TENT4A: variants seen among roughly 807,000 people sequenced by gnomAD.
The protein encoded by TENT4A is DNA polymerase kappa.
In TENT4A, 7 loss-of-function variants were observed where a neutral mutation model predicts 72.8. The observed-to-expected ratio is 0.10, with a 90% CI of 0.05 to 0.18. The LOEUF (loss-of-function observed/expected upper bound fraction) is 0.18, where lower values mean the gene tolerates loss of function less well. Ranked by LOEUF, TENT4A falls within the 10% of genes least tolerant of loss-of-function variation. The pLI, the probability that TENT4A is intolerant of heterozygous loss-of-function variation, is 1.00. For missense variants in TENT4A, 831 were observed against 1,017.7 expected, an observed-to-expected ratio of 0.82 and a Z score of 2.50; for synonymous variants, 456 against 434.3, an observed-to-expected ratio of 1.05 and a Z score of -0.62.
intron 1 of TENT4A, among the ~76,000 whole-genome samples, chr5:6,723,803 G>A: frequency 6.6e-6 from 1 of 152,220 alleles, no homozygotes; most frequent in East Asian, 1.9e-4. Flanking sequence ...ATTTCATAGG[G>A]AAGCCAGTCC....
At chr5:6,732,273 C>A (rs181387901) in intron 1 of TENT4A, among the ~76,000 whole-genome samples, 1 of 152,338 alleles carries the variant, frequency 6.6e-6, no homozygotes, top group Non-Finnish European at 1.5e-5. Flanking sequence ...GGCTTTAATT[C>A]ACATTTACAA....
chr5:6,742,679 T>C (rs1561040101), intron 5 of TENT4A, 82 bp downstream of exon 5: 1 of 789,466 alleles, frequency 1.3e-6, no homozygotes, highest in Non-Finnish European at 2.3e-6. Flanking sequence ...TGTTTACAGC[T>C]GTCAGCTGCA....
chr5:6,751,064 C>T lies in TENT4A; in HGVS notation c.1886C>T (p.Thr629Met), dbSNP rs746033118. Residue 629 changes from threonine (T) to methionine (M), a missense_variant, in exon 11 of 13, where the codon ACG (threonine) becomes ATG (methionine). This residue lies in a region of TENT4A where 332 missense variants were observed against 324.3 expected (regional missense o/e 1.02). Transcript: ENST00000230859. Reference sequence around the variant, plus strand: ...GATTCAGACACACCGCCCTGCACAACGCCCAGTGTTTACCAGTTCAGTCTG... The same window carrying T: ...GATTCAGACACACCGCCCTGCACAATGCCCAGTGTTTACCAGTTCAGTCTG... Reference protein sequence around the residue: ...DVDSDTPPCTTPSVYQFSLQA... With the variant: ...DVDSDTPPCTMPSVYQFSLQA... 18 of 1,614,080 alleles carry T rather than the reference C, an allele frequency of 1.1e-5. No homozygotes were observed. Among genetic ancestry groups the T allele is most frequent in the East Asian group, 8.9e-5 (4 of 44,898 alleles).
Position 6,755,026 on chromosome 5 carries a change from A to G in TENT4A, c.*81A>G. ...GGCCACCGGCAGGGGAACCGAGACC[A>G]GCACCCCGCACGTCAGCCGGGCTCG... On this transcript the variant is annotated 3_prime_UTR_variant, in exon 13 of 13. Coordinates refer to ENST00000230859, the MANE Select transcript of TENT4A (RefSeq NM_006999.6). The G allele has an allele frequency of 3.1e-6, 4 of 1,282,540 alleles. No individual in the cohort carries two copies. Among genetic ancestry groups the G allele is most frequent in the Non-Finnish European group, 4.2e-6 (4 of 956,054 alleles). 79.4% of individuals were successfully genotyped at this position (1,282,540 alleles called of 1,614,324 possible).
At chr5:6,734,547 A>T (rs1741374185) in intron 1 of TENT4A, among the ~76,000 whole-genome samples, 1 of 152,268 alleles carries the variant, frequency 6.6e-6, no homozygotes, top group South Asian at 2.1e-4. Context: ...GTCATCCAAG[A>T]GGCATGGATG....
At chr5:6,742,645 C>T in intron 5 of TENT4A, 48 bp downstream of exon 5, 1 of 1,109,538 alleles carries the variant, frequency 9.0e-7, no homozygotes, top group Non-Finnish European at 1.4e-6. Flanking sequence ...GACTGGAGTG[C>T]TTGTGCTTGG....
intron 11 of TENT4A, 68 bp downstream of exon 11, chr5:6,751,265 C>A (rs948919581): frequency 6.7e-7 from 1 of 1,482,528 alleles, no homozygotes; most frequent in Admixed American, 1.7e-5. Flanking sequence ...GTGATATGCA[C>A]TAGAGGAGAT....
rs777192908 is a variant in TENT4A at position 6,742,480 on chromosome 5, A to G, written c.1009-10A>G. 5 of 1,572,944 alleles carry G rather than the reference A, an allele frequency of 3.2e-6. No individual in the cohort carries two copies. Among genetic ancestry groups the G allele is most frequent in the African/African-American group, 2.7e-5 (2 of 74,116 alleles). Reference sequence around the variant, plus strand: ...ATGTTAAAGCAGTTTTTAAAATGAAATCTTTACAGGTACCAATAATAAAGC... The same window carrying G: ...ATGTTAAAGCAGTTTTTAAAATGAAGTCTTTACAGGTACCAATAATAAAGC... On this transcript the variant is annotated splice_polypyrimidine_tract_variant and intron_variant, in intron 4 of 12. Transcript: ENST00000230859.
chr5:6,754,733 G>T lies in TENT4A; in HGVS notation c.2185-18G>T. On this transcript the variant is annotated intron_variant, in intron 12 of 12. Transcript: ENST00000230859. The stretch of plus-strand genomic sequence containing the variant: ...CCTGCTGTCTGGCTCCAACACTGCT[G>T]TCTCTCTCTTTCTCCAGCAGCACAA... 1 of 1,556,474 alleles carries T rather than the reference G, an allele frequency of 6.4e-7. No homozygotes were observed. The highest frequency in any genetic ancestry group is 8.8e-7 in the Non-Finnish European group (1 of 1,141,958).
At chr5:6,744,204 A>G (rs1375514914) in intron 6 of TENT4A, among the ~76,000 whole-genome samples, 1 of 152,220 alleles carries the variant, frequency 6.6e-6, no homozygotes, top group Non-Finnish European at 1.5e-5. Context: ...CTCAGAATAA[A>G]GTTGAGTACC....
intron 1 of TENT4A, among the ~76,000 whole-genome samples, chr5:6,723,642 C>T (rs904513230): frequency 6.6e-6 from 1 of 152,172 alleles, no homozygotes; most frequent in Non-Finnish European, 1.5e-5. Context: ...GGGATGGAAC[C>T]TAGCAACTCA....
chr5:6,751,033 T>C lies in TENT4A; in HGVS notation c.1861-6T>C. ...TGTCCTTTTTGTTTTTTGTACCGGG[T>C]TCAAGGATTCAGACACACCGCCCTG... On this transcript the variant is annotated splice_region_variant and splice_polypyrimidine_tract_variant and intron_variant, in intron 10 of 12. Coordinates refer to ENST00000230859, the MANE Select transcript of TENT4A (RefSeq NM_006999.6). 6.2e-7 allele frequency: 1 copy of C among 1,613,472 alleles called. No individual in the cohort carries two copies. The highest frequency in any genetic ancestry group is 2.2e-5 in the East Asian group (1 of 44,852).
At chr5:6,747,939 A>G (rs966599610) in intron 7 of TENT4A, among the ~76,000 whole-genome samples, 5 of 152,238 alleles carry the variant, frequency 3.3e-5, no homozygotes, top group African/African-American at 9.6e-5. Context: ...GAGAATTCAC[A>G]TTCCATTCTA....
At chr5:6,737,471 T>G (rs1741565907) in intron 1 of TENT4A, 39 bp from the exon 2 acceptor site, 1 of 1,556,636 alleles carries the variant, frequency 6.4e-7, no homozygotes, top group African/African-American at 1.4e-5. Flanking sequence ...TGGTGACATT[T>G]CATTGTAACT....
chr5:6,748,205 G>A lies in TENT4A; in HGVS notation c.1460-259G>A, dbSNP rs141215217. Among the ~76,000 whole-genome samples the A allele has an allele frequency of 9.8e-5, 15 of 152,368 alleles. No homozygotes were observed. In the South Asian group the frequency reaches 2.5e-3, roughly 25 times the overall value. Reference sequence around the variant, plus strand: ...CAGCCGCCTCCGTGAGGTGGGCCATGAGCACAGGGGCACTGATGATGCAGA... The same window carrying A: ...CAGCCGCCTCCGTGAGGTGGGCCATAAGCACAGGGGCACTGATGATGCAGA... On this transcript the variant is annotated intron_variant, in intron 7 of 12. Coordinates refer to ENST00000230859, the MANE Select transcript of TENT4A (RefSeq NM_006999.6).
chr5:6,718,006 G>C (rs1483794204), intron 1 of TENT4A, among the ~76,000 whole-genome samples: 2 of 152,246 alleles, frequency 1.3e-5, no homozygotes, highest in East Asian at 1.9e-4. Context: ...CCCGGGCCCT[G>C]AACAGCTTCT....
chr5:6,739,652 C>CCTT, intron 3 of TENT4A, 80 bp from the exon 4 acceptor site: 1 of 1,553,896 alleles, frequency 6.4e-7, no homozygotes. Flanking sequence ...GGCACATGTG[C>CCTT]CTTGGTGCTT....
intron 12 of TENT4A, among the ~76,000 whole-genome samples, chr5:6,753,777 T>C (rs757157784): frequency 5.9e-5 from 9 of 152,270 alleles, no homozygotes; most frequent in Non-Finnish European, 1.3e-4. Flanking sequence ...TCTTGAGGCT[T>C]TGTTGGCCCT....
At chr5:6,745,961 G>A (rs894677212) in intron 6 of TENT4A, 2 of 1,246,414 alleles carry the variant, frequency 1.6e-6, no homozygotes, top group South Asian at 3.5e-5. Context: ...GTGTTTGCAG[G>A]AAGTTTGCTG....
Sources: gnomAD v4.1 joint callset for allele counts (sites outside exome capture counted in the v4.1 genomes callset) on GRCh38, gnomAD v4.1.1 for gene constraint, gnomAD v4.1.1 regional missense constraint, MANE v1.5 for transcripts, NCBI Gene and HGNC (gene_info 2026-07-23, HGNC 2026-07-21) for gene names.